Variants in GPI observed in about 807,000 individuals in gnomAD.
GPI encodes glucose-6-phosphate isomerase.
In GPI, 56 loss-of-function variants were observed where a neutral mutation model predicts 75.8. That is an observed-to-expected ratio of 0.74 (90% CI 0.60 to 0.92). GPI has a LOEUF of 0.92. Ranked by LOEUF, GPI falls within the 40% of genes least tolerant of loss-of-function variation. The pLI, the probability that GPI is intolerant of heterozygous loss-of-function variation, is 0.00. For missense variants in GPI, 638 were observed against 741.0 expected, an observed-to-expected ratio of 0.86 and a Z score of 1.61; for synonymous variants, 288 against 285.4, an observed-to-expected ratio of 1.01 and a Z score of -0.09.
At chr19:34,378,803 C>G in intron 6 of GPI, 131 bp from the exon 7 acceptor site, 1 of 740,586 alleles carries the variant, frequency 1.4e-6, no homozygotes, top group Non-Finnish European at 2.5e-6. Flanking sequence ...TGTGGCGTCA[C>G]TGTCACTGAC....
At chr19:34,385,034 A>G (rs1454354278) in intron 9 of GPI, among the ~76,000 whole-genome samples, 1 of 145,938 alleles carries the variant, frequency 6.9e-6, no homozygotes, top group Non-Finnish European at 1.5e-5. Flanking sequence ...ACTATCTCCA[A>G]AAAAAAAAAA....
intron 9 of GPI, among the ~76,000 whole-genome samples, chr19:34,391,305 C>G (rs1049508966): frequency 6.4e-3 from 6 of 940 alleles, no homozygotes; most frequent in African/African-American, 0.019. Flanking sequence ...AAGATCTGGC[C>G]CTGGTATGAG....
At chr19:34,387,674 G>A (rs1306866805) in intron 9 of GPI, among the ~76,000 whole-genome samples, 1 of 152,152 alleles carries the variant, frequency 6.6e-6, no homozygotes, top group African/African-American at 2.4e-5. Context: ...TGAGTCTGTG[G>A]ATTCAGGCTC....
chr19:34,393,845 C>A lies in GPI; in HGVS notation c.910-69C>A. 2 of 1,601,970 alleles carry A rather than the reference C, an allele frequency of 1.2e-6. No individual in the cohort carries two copies. The highest frequency in any genetic ancestry group is 1.7e-6 in the Non-Finnish European group (2 of 1,170,212). ...TGTTGGTCCTGGTCCCCCGCTTTCT[C>A]CCCCACTGTCCTGTCCCTCCCCTCC... On this transcript the variant is annotated intron_variant, in intron 11 of 17. Transcript: ENST00000356487. The surrounding 1 kb of genome is among the most constrained non-coding windows in gnomAD (Gnocchi z 4.4).
At chr19:34,361,770 C>CTCCTGACCTA (rs1321807064), upstream of GPI, among the ~76,000 whole-genome samples, 1 of 151,672 alleles carries the variant, frequency 6.6e-6, no homozygotes, top group Non-Finnish European at 1.5e-5. Context: ...TACCTTAGGT[C>CTCCTGACCTA]AGGAGTTCGA....
intron 14 of GPI, 146 bp downstream of exon 14, chr19:34,396,803 ACT>A: frequency 1.4e-6 from 1 of 715,174 alleles, no homozygotes; most frequent in South Asian, 1.6e-5. Flanking sequence ...TTAAAACAAC[ACT>A]CTTCTTTTGT....
At chr19:34,363,638 G>A (rs188429216), upstream of GPI, among the ~76,000 whole-genome samples, 1 of 152,256 alleles carries the variant, frequency 6.6e-6, no homozygotes, top group African/African-American at 2.4e-5. Flanking sequence ...TGGCCAACAT[G>A]GTGAAACTCC....
chr19:34,399,336 G>A lies in GPI; in HGVS notation c.1398+1G>A. 1 of 1,614,134 alleles carries A rather than the reference G, an allele frequency of 6.2e-7. No individual in the cohort carries two copies. The highest frequency in any genetic ancestry group is 8.5e-7 in the Non-Finnish European group (1 of 1,180,028). On this transcript the variant is annotated splice_donor_variant, in intron 15 of 17. Coordinates refer to ENST00000356487, the MANE Select transcript of GPI (RefSeq NM_000175.5). LOFTEE classifies it high-confidence loss of function. ...CCTTGAGAGGCTGCTGCCACATAAG[G>A]TCAGCACTTCTGCATTTGGCTTTGG... is the stretch of plus-strand genomic sequence containing the variant.
intron 3 of GPI, 41 bp from the exon 4 acceptor site, chr19:34,368,542 G>GT: frequency 6.2e-7 from 1 of 1,612,982 alleles, no homozygotes; most frequent in Non-Finnish European, 8.5e-7. Flanking sequence ...GCTGCCTGGG[G>GT]TTGGGGGGGG....
Position 34,390,264 on chromosome 19 carries a change from G to C in GPI, c.805-2984G>C, listed in dbSNP as rs1246483461. 2.1e-5 allele frequency among the ~76,000 whole-genome samples: 3 copies of C among 145,590 alleles called. No homozygotes were observed. In the East Asian group the frequency reaches 6.0e-4, roughly 29 times the overall value. On this transcript the variant is annotated intron_variant, in intron 9 of 17. Coordinates refer to ENST00000356487, the MANE Select transcript of GPI (RefSeq NM_000175.5). Reference sequence around the variant, plus strand: ...TATGAGGCACTGGGCCACTGTTCAAGCAGGTGGGCTGGGGAACAGAAATGT... The same window carrying C: ...TATGAGGCACTGGGCCACTGTTCAACCAGGTGGGCTGGGGAACAGAAATGT...
rs910513006 is a variant in GPI, at chr19:34,365,196, G to C, written c.-71G>C. On this transcript the variant is annotated 5_prime_UTR_variant, in exon 1 of 18. Transcript: ENST00000356487. Reference sequence around the variant, plus strand: ...AGGCCGCCGCGCGCCCACGCGCCTCGCTTGCTGCGCGCTGCCGGCGCTCCT... The same window carrying C: ...AGGCCGCCGCGCGCCCACGCGCCTCCCTTGCTGCGCGCTGCCGGCGCTCCT... 2.9e-6 allele frequency: 4 copies of C among 1,375,640 alleles called. No individual in the cohort carries two copies. The highest frequency in any genetic ancestry group is 2.3e-4 in the Middle Eastern group (1 of 4,422). 85.2% of individuals were successfully genotyped at this position (1,375,640 alleles called of 1,614,324 possible). A position where few individuals can be genotyped will look rare whatever the true frequency, so the allele number is the denominator to read the frequency against.
At chr19:34,371,403 T>C (rs1450179976) in intron 4 of GPI, among the ~76,000 whole-genome samples, 1 of 152,102 alleles carries the variant, frequency 6.6e-6, no homozygotes, top group Admixed American at 6.5e-5. Flanking sequence ...TATACTGTCA[T>C]CCTGGGCACC....
intron 8 of GPI, among the ~76,000 whole-genome samples, chr19:34,380,346 C>T (rs754584857): frequency 4.0e-5 from 6 of 148,910 alleles, no homozygotes; most frequent in Non-Finnish European, 3.0e-5. Context: ...TGCAGTGGTA[C>T]GATCTTGGCT....
intron 9 of GPI, among the ~76,000 whole-genome samples, chr19:34,389,287 G>T (rs2074787003): frequency 6.6e-6 from 1 of 152,132 alleles, no homozygotes; most frequent in Non-Finnish European, 1.5e-5. Flanking sequence ...AGAGCTCCCA[G>T]AATGAGTCCT....
At chr19:34,385,815 A>C (rs2074726850) in intron 9 of GPI, among the ~76,000 whole-genome samples, 1 of 152,210 alleles carries the variant, frequency 6.6e-6, no homozygotes, top group Admixed American at 6.5e-5. Context: ...GAGCACAGGT[A>C]GGCAGACTTG....
chr19:34,378,563 G>T (rs886594264), intron 6 of GPI, among the ~76,000 whole-genome samples: 5 of 152,064 alleles, frequency 3.3e-5, no homozygotes, highest in Non-Finnish European at 7.4e-5. Flanking sequence ...TAATAGAGGG[G>T]TTTTGTTTGT....
chr19:34,387,031 C>T (rs188649618), intron 9 of GPI, among the ~76,000 whole-genome samples: 8 of 152,220 alleles, frequency 5.3e-5, no homozygotes, highest in African/African-American at 9.6e-5. Flanking sequence ...TGTGGACTGC[C>T]GAGGCCAGGC....
chr19:34,377,608 G>C (rs2074567727), intron 5 of GPI, 22 bp downstream of exon 5: 1 of 1,601,584 alleles, frequency 6.2e-7, no homozygotes, highest in Non-Finnish European at 8.6e-7. Flanking sequence ...ACTGCCTTGG[G>C]GTAGGGTGGG....
At chr19:34,364,949 G>A (rs1242346098), upstream of GPI, 15 of 1,526,644 alleles carry the variant, frequency 9.8e-6, no homozygotes, top group Admixed American at 4.0e-5. Context: ...GGGCTCCAGT[G>A]ATCCCCGGGC....
Sources: allele counts gnomAD v4.1 joint callset (sites outside exome capture counted in the v4.1 genomes callset), GRCh38; gene constraint gnomAD v4.1.1; non-coding constraint Gnocchi (gnomAD v3.1); transcripts MANE v1.5; gene names NCBI Gene and HGNC (gene_info 2026-07-23, HGNC 2026-07-21).